The following ANKFN1 variants were observed in gnomAD, a reference collection of about 807,000 sequenced individuals.
ANKFN1 encodes the protein ankyrin repeat and fibronectin type-III domain-containing protein 1.
A neutral mutation model predicts 108.7 loss-of-function variants in ANKFN1; 74 were observed. That is an observed-to-expected ratio of 0.68 (90% CI 0.56 to 0.83). ANKFN1 has a LOEUF of 0.83. ANKFN1 is among the 40% of genes least tolerant of loss of function. ANKFN1 has a pLI of 0.00. For synonymous variants in ANKFN1, 547 were observed against 516.2 expected, an observed-to-expected ratio of 1.06 and a Z score of -0.81; for missense variants, 1,505 against 1,382.3, an observed-to-expected ratio of 1.09 and a Z score of -1.41.
At chr17:56,488,634 C>T (rs2050931897) in intron 18 of ANKFN1, among the ~76,000 whole-genome samples, 1 of 152,198 alleles carries the variant, frequency 6.6e-6, no homozygotes, top group African/African-American at 2.4e-5. Context: ...CTTTATTCCA[C>T]CTGTCAACTC....
At chr17:56,419,452 T>A (rs901934394) in intron 8 of ANKFN1, among the ~76,000 whole-genome samples, 2 of 147,604 alleles carry the variant, frequency 1.4e-5, no homozygotes, top group African/African-American at 5.0e-5. Context: ...CATTGCACTC[T>A]AGCCTGGGCA....
Position 56,297,056 on chromosome 17 carries a change from C to T in ANKFN1, c.54-29165C>T, listed in dbSNP as rs531560350. 3.9e-5 allele frequency among the ~76,000 whole-genome samples: 6 copies of T among 152,218 alleles called. No homozygotes were observed. The South Asian group carries it at 1.2e-3, about 32-fold the overall frequency. On this transcript the variant is annotated intron_variant, in intron 3 of 20. Coordinates refer to ENST00000682825, the MANE Select transcript of ANKFN1 (RefSeq NM_001370326.1). The stretch of plus-strand genomic sequence containing the variant: ...TCTCTTTGGAATTTTTCTTCAGGGA[C>T]AGTGTGAGACAATGAATGAGAAAGA...
Position 56,227,878 on chromosome 17 carries a change from A to G in ANKFN1, c.13-39A>G, listed in dbSNP as rs1277947097. ...TTTTTCATTTTGAATTGATTACTGTACAATTTTTTAACATTCTTTTTTTCT... is the reference window on the plus strand; with the variant it reads ...TTTTTCATTTTGAATTGATTACTGTGCAATTTTTTAACATTCTTTTTTTCT... On this transcript the variant is annotated intron_variant, in intron 2 of 20. Coordinates refer to ENST00000682825, the MANE Select transcript of ANKFN1 (RefSeq NM_001370326.1). 3 of 1,553,820 alleles carry G rather than the reference A, an allele frequency of 1.9e-6. No homozygotes were observed. The African/African-American group carries it at 4.1e-5, about 21-fold the overall frequency.
At chr17:56,134,706 GA>G in intron 4 of ANKFN1, among the ~76,000 whole-genome samples, 1 of 152,234 alleles carries the variant, frequency 6.6e-6, no homozygotes, top group South Asian at 2.1e-4. Context: ...ATTGTAGACA[GA>G]AAATCAACTA....
rs2048532402 is a variant in ANKFN1, at chr17:56,425,427, A to T, written c.911-14900A>T. The stretch of plus-strand genomic sequence containing the variant: ...TCCAATTTTCCTCCTACAAAATATA[A>T]GAGAAATTTTCCTAAAATGCAAATC... On this transcript the variant is annotated intron_variant, in intron 8 of 20. Coordinates refer to ENST00000682825, the MANE Select transcript of ANKFN1 (RefSeq NM_001370326.1). Among the ~76,000 whole-genome samples the T allele has an allele frequency of 2.0e-5, 3 of 152,358 alleles. No homozygotes were observed. In the South Asian group the frequency reaches 6.2e-4, roughly 32 times the overall value.
intron 3 of ANKFN1, among the ~76,000 whole-genome samples, chr17:56,265,144 A>G (rs2043615663): frequency 6.6e-6 from 1 of 152,204 alleles, no homozygotes; most frequent in African/African-American, 2.4e-5. Context: ...GTATTCTGAG[A>G]ACAATCTCAA....
intron 4 of ANKFN1, among the ~76,000 whole-genome samples, chr17:56,139,554 C>T (rs1039996169): frequency 3.9e-5 from 6 of 152,094 alleles, no homozygotes; most frequent in South Asian, 4.2e-4. Context: ...TGATTTTCCC[C>T]CCATTATGCT....
chr17:56,047,120 C>A (rs6505026), intron 4 of ANKFN1, among the ~76,000 whole-genome samples: 56,165 of 151,964 alleles, frequency 0.37, 14,143 homozygotes, highest in African/African-American at 0.73. Context: ...TAGTATAAGA[C>A]AGTGCTGTAT....
intron 4 of ANKFN1, among the ~76,000 whole-genome samples, chr17:56,348,814 TTG>T (rs72402410): frequency 0.02 from 3,067 of 152,238 alleles, 96 homozygotes; most frequent in African/African-American, 0.067. Flanking sequence ...AGTTCAATGA[TTG>T]TGGAAGACAG....
At chr17:56,362,983 G>A (rs1029470079) in intron 6 of ANKFN1, among the ~76,000 whole-genome samples, 1 of 152,136 alleles carries the variant, frequency 6.6e-6, no homozygotes. Context: ...GGCCAAGGCG[G>A]GAGGATCATG....
intron 4 of ANKFN1, among the ~76,000 whole-genome samples, chr17:56,128,065 G>C (rs1439816785): frequency 6.6e-6 from 1 of 152,066 alleles, no homozygotes; most frequent in African/African-American, 2.4e-5. Flanking sequence ...TCCTTCCCAG[G>C]ATCTTCACTC....
intron 4 of ANKFN1, among the ~76,000 whole-genome samples, chr17:56,137,691 A>G (rs890423755): frequency 5.9e-5 from 9 of 152,342 alleles, no homozygotes; most frequent in African/African-American, 1.9e-4. Flanking sequence ...AAAGGGAAAG[A>G]GAATCAAAAG....
intron 8 of ANKFN1, among the ~76,000 whole-genome samples, chr17:56,405,895 A>T (rs1435246621): frequency 6.6e-6 from 1 of 152,196 alleles, no homozygotes; most frequent in Non-Finnish European, 1.5e-5. Context: ...CGCTAAGAAC[A>T]ACGGATATCT....
At chr17:56,443,759 A>G (rs771933085) in intron 10 of ANKFN1, among the ~76,000 whole-genome samples, 7 of 152,230 alleles carry the variant, frequency 4.6e-5, no homozygotes, top group Non-Finnish European at 8.8e-5. Flanking sequence ...ATTCTCTATT[A>G]ACCAGAAAAT....
At chr17:56,227,445 A>C (rs1298308961) in intron 2 of ANKFN1, among the ~76,000 whole-genome samples, 1 of 152,158 alleles carries the variant, frequency 6.6e-6, no homozygotes. Flanking sequence ...CATTTATCCT[A>C]ATAAGTATGA....
chr17:56,251,786 A>G (rs1317214799), intron 3 of ANKFN1, among the ~76,000 whole-genome samples: 5 of 152,210 alleles, frequency 3.3e-5, no homozygotes, highest in Non-Finnish European at 7.3e-5. Flanking sequence ...AGAAGAGAAA[A>G]AAAGTTACCA....
At chr17:56,343,085 T>C (rs544900007) in intron 4 of ANKFN1, among the ~76,000 whole-genome samples, 1 of 152,152 alleles carries the variant, frequency 6.6e-6, no homozygotes, top group African/African-American at 2.4e-5. Context: ...TCTTTGTTGG[T>C]TTAAAGTCTG....
chr17:56,336,328 G>T (rs1451230553), intron 4 of ANKFN1, among the ~76,000 whole-genome samples: 1 of 152,106 alleles, frequency 6.6e-6, no homozygotes, highest in Non-Finnish European at 1.5e-5. Flanking sequence ...GTAGAATTCG[G>T]CTGGGAATCC....
chr17:56,087,241 C>A (rs767483038), intron 4 of ANKFN1, among the ~76,000 whole-genome samples: 3 of 151,296 alleles, frequency 2.0e-5, no homozygotes, highest in Non-Finnish European at 3.0e-5. Flanking sequence ...TAAGCCTTAG[C>A]CATGGGTGAA....
Sources: allele counts gnomAD v4.1 joint callset (sites outside exome capture counted in the v4.1 genomes callset), GRCh38; gene constraint gnomAD v4.1.1; transcripts MANE v1.5; gene names NCBI Gene and HGNC (gene_info 2026-07-23, HGNC 2026-07-21).